FRMPD3: variants seen among roughly 807,000 people sequenced by gnomAD.
FRMPD3 encodes FERM and PDZ domain containing 3.
A neutral mutation model predicts 97.9 loss-of-function variants in FRMPD3; 42 were observed. The ratio of observed to expected loss-of-function variants is 0.43; its 90% CI spans 0.34 to 0.55. FRMPD3 has a LOEUF of 0.55. Among genes scored for constraint, FRMPD3 ranks in the 20% least tolerant of loss-of-function variants. The probability of loss-of-function intolerance (pLI) is 0.03; values close to 1 mark genes in which losing one functional copy is unlikely to be tolerated. For synonymous variants in FRMPD3, 577 were observed against 581.1 expected, an observed-to-expected ratio of 0.99 and a Z score of 0.10; for missense variants, 1,303 against 1,457.7, an observed-to-expected ratio of 0.89 and a Z score of 1.73.
chrX:107,515,267 C>T (rs756401259), intron 1 of FRMPD3, among the ~76,000 whole-genome samples: 144 of 111,051 alleles, frequency 1.3e-3, no homozygotes, highest in Middle Eastern at 4.7e-3. Context: ...GTGATTAAGT[C>T]GGGAAGGAGA....
chrX:107,560,012 C>T (rs1343006692), intron 8 of FRMPD3, among the ~76,000 whole-genome samples: 5 of 107,461 alleles, frequency 4.7e-5, no homozygotes, highest in Middle Eastern at 4.2e-3. Context: ...TCTGCTTGTA[C>T]CTTGCCATTG....
intron 4 of FRMPD3, among the ~76,000 whole-genome samples, chrX:107,538,061 C>T (rs1249043755): frequency 1.8e-5 from 2 of 111,471 alleles, no homozygotes; most frequent in Admixed American, 9.5e-5. Flanking sequence ...GCCAGTTGGA[C>T]GGGGTTTGAA....
intron 2 of FRMPD3, among the ~76,000 whole-genome samples, chrX:107,529,406 G>C (rs1327325986): frequency 9.0e-6 from 1 of 110,620 alleles, no homozygotes; most frequent in Non-Finnish European, 1.9e-5. Context: ...GCAACATGAT[G>C]ATGTTCCATC....
chrX:107,590,784 T>C (rs1923863552), intron 13 of FRMPD3, among the ~76,000 whole-genome samples: 2 of 112,984 alleles, frequency 1.8e-5, no homozygotes, highest in Non-Finnish European at 3.7e-5. Context: ...TAGATGTTGC[T>C]GAATTCAGCT....
intron 12 of FRMPD3, among the ~76,000 whole-genome samples, chrX:107,568,392 A>G (rs1414148748): frequency 3.3e-5 from 2 of 60,367 alleles, no homozygotes; most frequent in Non-Finnish European, 5.8e-5. Flanking sequence ...CCACCCCACA[A>G]CAGTCCTCCA....
At chrX:107,556,180 C>G (rs1010476011) in intron 8 of FRMPD3, among the ~76,000 whole-genome samples, 67 of 111,510 alleles carry the variant, frequency 6.0e-4, no homozygotes, top group African/African-American at 2.0e-3. Context: ...TTGTCGTTGT[C>G]CTTTTTGACT....
intron 12 of FRMPD3, among the ~76,000 whole-genome samples, chrX:107,569,814 C>T (rs1351552890): frequency 9.0e-6 from 1 of 111,347 alleles, no homozygotes; most frequent in Non-Finnish European, 1.9e-5. Context: ...CCAGTAGTTT[C>T]AGACCATCTT....
chrX:107,587,908 G>C (rs1923731844), intron 13 of FRMPD3, among the ~76,000 whole-genome samples: 1 of 111,012 alleles, frequency 9.0e-6, no homozygotes, highest in South Asian at 3.9e-4. Context: ...CTGAGTAGCT[G>C]GGAGTACAGG....
rs757221030 is a variant in FRMPD3, at chrX:107,533,145, A to G, written c.252-360A>G. On this transcript the variant is annotated intron_variant, in intron 3 of 14. Coordinates refer to ENST00000683843, the MANE Select transcript of FRMPD3 (RefSeq NM_001388459.1). ...CCAGGACTCTCTGATTTTGAGTTCC[A>G]TAATGCAGGCTTTTAGTTTTCCTTG... is the stretch of plus-strand genomic sequence containing the variant. 2.7e-5 allele frequency among the ~76,000 whole-genome samples: 3 copies of G among 112,230 alleles called. No homozygotes were observed. In the South Asian group the frequency reaches 1.1e-3, roughly 42 times the overall value.
At chrX:107,500,685 C>T (rs1921883166) in intron 1 of FRMPD3, among the ~76,000 whole-genome samples, 2 of 109,980 alleles carry the variant, frequency 1.8e-5, no homozygotes, top group African/African-American at 6.6e-5. Context: ...ATCTCAGCTA[C>T]TCAGGAGGCT....
chrX:107,483,989 AC>A (rs1228648735), intron 1 of FRMPD3, among the ~76,000 whole-genome samples: 1 of 111,525 alleles, frequency 9.0e-6, no homozygotes, highest in African/African-American at 3.3e-5. Context: ...TCAAGACCCC[AC>A]CAGACACTCA....
At chrX:107,516,273 CATT>C (rs1922327425) in intron 1 of FRMPD3, among the ~76,000 whole-genome samples, 1 of 110,404 alleles carries the variant, frequency 9.1e-6, no homozygotes, top group African/African-American at 3.3e-5. Context: ...TCCAGTCTAT[CATT>C]ATTGGACATT....
Position 107,456,882 on chromosome X carries a change from C to T in FRMPD3, c.-8+6877C>T, listed in dbSNP as rs184676531. Among the ~76,000 whole-genome samples the T allele has an allele frequency of 1.8e-4, 20 of 111,998 alleles. No homozygotes were observed. In the East Asian group the frequency reaches 4.5e-3, roughly 25 times the overall value. ...CTCTGGGCTTGATTAGATTCAAGCTCATTTTTCTTTTTTTCTCGCTTTGGC... is the reference window on the plus strand; with the variant it reads ...CTCTGGGCTTGATTAGATTCAAGCTTATTTTTCTTTTTTTCTCGCTTTGGC... On this transcript the variant is annotated intron_variant, in intron 1 of 14. Transcript: ENST00000683843.
At chrX:107,549,906 C>T in intron 5 of FRMPD3, 143 bp from the exon 6 acceptor site, 1 of 460,384 alleles carries the variant, frequency 2.2e-6, no homozygotes, top group Non-Finnish European at 3.8e-6. Context: ...TATTGATCTG[C>T]TCTTTCCTCT....
intron 12 of FRMPD3, among the ~76,000 whole-genome samples, chrX:107,572,560 A>G (rs1385452101): frequency 9.0e-6 from 1 of 111,172 alleles, no homozygotes; most frequent in Admixed American, 9.6e-5. Context: ...CAACATGGTG[A>G]AACACCATCT....
intron 1 of FRMPD3, among the ~76,000 whole-genome samples, chrX:107,454,232 T>C (rs925713942): frequency 2.7e-5 from 3 of 111,233 alleles, no homozygotes; most frequent in Non-Finnish European, 5.7e-5. Context: ...CAAATCTGGG[T>C]GTTCTCCAGC....
Position 107,600,973 on chromosome X carries a change from C to T in FRMPD3, c.2934C>T (p.Asn978=), listed in dbSNP as rs967177263. The change falls in exon 15 of 15, where the codon AAC becomes AAT. Residue 978 remains asparagine, a synonymous_variant. Coordinates refer to ENST00000683843, the MANE Select transcript of FRMPD3 (RefSeq NM_001388459.1). ...TCACTGCTGGTGGGGCTTTGGGGAA[C>T]CCCCCCAGCAGGGGTGAGAGAAGGC... ...SLVTAGGALG[N]PPSRGERRLE... 1 of 1,207,222 alleles carries T rather than the reference C, an allele frequency of 8.3e-7. No individual in the cohort carries two copies. The highest frequency in any genetic ancestry group is 2.3e-4 in the Middle Eastern group (1 of 4,348).
intron 1 of FRMPD3, among the ~76,000 whole-genome samples, chrX:107,482,120 T>C (rs1266555596): frequency 1.8e-5 from 2 of 110,851 alleles, no homozygotes; most frequent in Non-Finnish European, 3.8e-5. Flanking sequence ...TTTGTTTTTT[T>C]CTCTCAAACA....
rs139840652 is a variant in FRMPD3 at position 107,452,851 on chromosome X, A to G, written c.-8+2846A>G. ...GAGCAGTAGTAGATTGAAAAAGTGCAACAAGAAAGCCCTGGGATTGCTGAT... is the reference window on the plus strand; with the variant it reads ...GAGCAGTAGTAGATTGAAAAAGTGCGACAAGAAAGCCCTGGGATTGCTGAT... On this transcript the variant is annotated intron_variant, in intron 1 of 14. Transcript: ENST00000683843. Among the ~76,000 whole-genome samples the G allele has an allele frequency of 2.8e-3, 305 of 107,490 alleles. 1 individual carries two copies. Among genetic ancestry groups the G allele is most frequent in the Non-Finnish European group, 4.0e-3 (206 of 51,770 alleles). 93.3% of individuals were successfully genotyped at this position (107,490 alleles called of 115,157 possible).
Sources: gnomAD v4.1 joint callset for allele counts (sites outside exome capture counted in the v4.1 genomes callset) on GRCh38, gnomAD v4.1.1 for gene constraint, MANE v1.5 for transcripts, NCBI Gene and HGNC (gene_info 2026-07-23, HGNC 2026-07-21) for gene names.